Variants in MED13 observed in about 807,000 individuals in gnomAD.
The protein encoded by MED13 is mediator complex subunit 13.
MED13 carries 23 observed loss-of-function variants against 225.2 expected under a neutral mutation model. The observed-to-expected ratio is 0.10, with a 90% CI of 0.07 to 0.14. The LOEUF (loss-of-function observed/expected upper bound fraction) is 0.14. Among genes scored for constraint, MED13 ranks in the 10% least tolerant of loss-of-function variants. MED13 has a pLI of 1.00. For missense variants in MED13, 2,197 were observed against 2,594.5 expected (o/e 0.85, Z 3.33); for synonymous variants, 942 against 889.2 (o/e 1.06, Z -1.06).
intron 11 of MED13, among the ~76,000 whole-genome samples, chr17:61,987,382 C>G (rs532610668): frequency 1.3e-5 from 2 of 151,786 alleles, no homozygotes. Flanking sequence ...TGCAGTGAGC[C>G]GAGATAGCAC....
At chr17:62,049,018 C>T (rs1333282505) in intron 3 of MED13, among the ~76,000 whole-genome samples, 1 of 146,972 alleles carries the variant, frequency 6.8e-6, no homozygotes, top group African/African-American at 2.6e-5. Context: ...AAAGTATCAC[C>T]ATCCTTGCAC....
intron 16 of MED13, among the ~76,000 whole-genome samples, chr17:61,980,623 T>A (rs2080195712): frequency 6.6e-6 from 1 of 152,148 alleles, no homozygotes; most frequent in Non-Finnish European, 1.5e-5. Flanking sequence ...ATTACTTACA[T>A]CTCGCTGGCC....
intron 1 of MED13, 37 bp downstream of exon 1, chr17:62,065,102 GC>G (rs764001107): frequency 5.4e-5 from 81 of 1,511,964 alleles, no homozygotes; most frequent in Admixed American, 6.3e-5. Flanking sequence ...GCACCTCGCG[GC>G]CCCCCTCCCT....
At chr17:61,951,354 C>G (rs545121734) in intron 27 of MED13, among the ~76,000 whole-genome samples, 1 of 152,126 alleles carries the variant, frequency 6.6e-6, no homozygotes, top group East Asian at 1.9e-4. Context: ...AAAACCACAC[C>G]CCAATCAAAA....
chr17:61,962,780 G>A lies in MED13; in HGVS notation c.5036C>T (p.Pro1679Leu). The change falls in exon 21 of 30, where the codon CCT becomes CTT. Residue 1679 changes from proline to leucine, a missense_variant. Physicochemically the swap from Pro to Leu is moderately conservative, Grantham distance 98. Transcript: ENST00000397786. ...CFLEMVQTLP[P>L]HIKSTVSVQI... ...TACAGAAACAGTACTCTTGATATGA[G>A]GAGGAAGAGTCTGGACCATTTCTAG... 6.2e-7 allele frequency: 1 copy of A among 1,613,990 alleles called. No homozygotes were observed. Among genetic ancestry groups the A allele is most frequent in the African/African-American group, 1.3e-5 (1 of 75,038 alleles).
At chr17:61,959,356 C>T (rs2079977390) in intron 23 of MED13, among the ~76,000 whole-genome samples, 1 of 152,070 alleles carries the variant, frequency 6.6e-6, no homozygotes, top group African/African-American at 2.4e-5. Context: ...TCTACTTTAT[C>T]AAGGTAGTAA....
chr17:61,956,596 T>G, intron 23 of MED13, 115 bp from the exon 24 acceptor site: 2 of 1,043,254 alleles, frequency 1.9e-6, no homozygotes, highest in Non-Finnish European at 2.8e-6. Flanking sequence ...TGGAGTGCAG[T>G]GGTGCGATCT....
Position 61,995,154 on chromosome 17 carries a change from T to C in MED13, c.2179A>G (p.Lys727Glu), listed in dbSNP as rs932061335. 1 of 1,610,030 alleles carries C rather than the reference T, an allele frequency of 6.2e-7. No individual in the cohort carries two copies. Among genetic ancestry groups the C allele is most frequent in the African/African-American group, 1.3e-5 (1 of 74,808 alleles). The change falls in exon 10 of 30, where the codon AAG becomes GAG. Residue 727 changes from lysine to glutamate, a missense_variant and splice_region_variant. Transcript: ENST00000397786. ...TGGTGTACTGTGATTTCTCTTACCT[T>C]GTGTTTTTTTCCAGCTTCTCTCTCA... ...NSEREAGKKH[K>E]VEDGTSSVTV...
Position 61,960,950 on chromosome 17 carries a change from A to G in MED13, c.5397T>C (p.Asp1799=), listed in dbSNP as rs192525280. Residue 1799 remains aspartate, a synonymous_variant, in exon 23 of 30, where the codon GAT becomes GAC. Coordinates refer to ENST00000397786, the MANE Select transcript of MED13 (RefSeq NM_005121.3). ...VLFVGYCLSH[D]QRWILASCTD... is the part of the protein sequence containing the mutation. ...TGCAAGATGCAAGAATCCACCTTTG[A>G]TCATGTGATAAACAGTATCCCACAA... 5 of 1,613,950 alleles carry G rather than the reference A, an allele frequency of 3.1e-6. No homozygotes were observed. The highest frequency in any genetic ancestry group is 1.7e-5 in the Admixed American group (1 of 60,018).
intron 8 of MED13, among the ~76,000 whole-genome samples, chr17:62,025,786 G>GT (rs766837369): frequency 7.9e-5 from 12 of 152,144 alleles, no homozygotes; most frequent in East Asian, 1.9e-4. Context: ...ATTAGGTGTG[G>GT]TTTTTTTAGC....
At chr17:62,030,283 G>A in intron 6 of MED13, 1 of 316,080 alleles carries the variant, frequency 3.2e-6, no homozygotes, top group Non-Finnish European at 5.8e-6. Context: ...GCGTGTCGGG[G>A]GAGGTGGGCT....
chr17:62,055,716 G>A (rs188971902), intron 2 of MED13, among the ~76,000 whole-genome samples: 63 of 151,878 alleles, frequency 4.1e-4, no homozygotes, highest in South Asian at 1.3e-3. Flanking sequence ...CCAGCTATCC[G>A]GGAGGCTGAG....
rs569407004 is a variant in MED13 at position 61,969,319 on chromosome 17, G to A, written c.3968-1061C>T. Among the ~76,000 whole-genome samples, 6 of 151,944 alleles carry A rather than the reference G, an allele frequency of 3.9e-5. No homozygotes were observed. The South Asian group carries it at 8.3e-4, about 21-fold the overall frequency. On this transcript the variant is annotated intron_variant, in intron 17 of 29. Transcript: ENST00000397786. Reference sequence around the variant, plus strand: ...GTGAGCTGAGATTGCACCAGTGCACGTCAGCCCAGGCAAAAAGAGCAAAAC... The same window carrying A: ...GTGAGCTGAGATTGCACCAGTGCACATCAGCCCAGGCAAAAAGAGCAAAAC...
intron 1 of MED13, among the ~76,000 whole-genome samples, chr17:62,064,810 T>A (rs557440575): frequency 6.6e-6 from 1 of 151,940 alleles, no homozygotes; most frequent in Non-Finnish European, 1.5e-5. Context: ...ACAGGGCCAA[T>A]AAGGAGAAAA....
At chr17:62,042,694 C>T (rs1374552957) in intron 3 of MED13, among the ~76,000 whole-genome samples, 1 of 151,432 alleles carries the variant, frequency 6.6e-6, no homozygotes, top group Non-Finnish European at 1.5e-5. Flanking sequence ...TTTACTATTT[C>T]CTGTAACTTA....
intron 9 of MED13, chr17:62,004,855 A>G (rs1348349483): frequency 1.3e-5 from 2 of 152,164 alleles, no homozygotes; most frequent in Non-Finnish European, 2.9e-5. Flanking sequence ...TAGCAAGAGT[A>G]AGATTAAGAT....
At chr17:61,973,046 G>A (rs2080123305) in intron 16 of MED13, among the ~76,000 whole-genome samples, 158 bp from the exon 17 acceptor site, 1 of 152,170 alleles carries the variant, frequency 6.6e-6, no homozygotes, top group African/African-American at 2.4e-5. Context: ...AGTTCTACAA[G>A]ATGATCTGTA....
At chr17:62,022,953 T>TGAGCCATGATTTCATCACAGCAA (rs565123350) in intron 8 of MED13, among the ~76,000 whole-genome samples, 256 of 152,242 alleles carry the variant, frequency 1.7e-3, no homozygotes, top group Middle Eastern at 3.4e-3. Flanking sequence ...GAGGCTATAA[T>TGAGCCATGATTTCATCACAGCAA]GAGCCATGAT....
chr17:62,015,052 G>T (rs376589457), intron 8 of MED13, among the ~76,000 whole-genome samples: 19 of 152,258 alleles, frequency 1.2e-4, no homozygotes, highest in African/African-American at 4.6e-4. Context: ...TTTACCAACC[G>T]AGTCAATGTC....
Sources: allele counts gnomAD v4.1 joint callset (sites outside exome capture counted in the v4.1 genomes callset), GRCh38; gene constraint gnomAD v4.1.1; transcripts MANE v1.5; gene names NCBI Gene and HGNC (gene_info 2026-07-23, HGNC 2026-07-21).